Variants in ZZEF1 observed in about 807,000 individuals in gnomAD.
The protein encoded by ZZEF1 is zinc finger ZZ-type and EF-hand domain containing 1.
Under a neutral mutation model 342.8 loss-of-function variants are expected in ZZEF1, and 157 were observed. That is an observed-to-expected ratio of 0.46 (90% confidence interval 0.40 to 0.52). The LOEUF (loss-of-function observed/expected upper bound fraction) is 0.52, where lower values mean the gene tolerates loss of function less well. Among genes scored for constraint, ZZEF1 ranks in the 20% least tolerant of loss-of-function variants. The pLI, the probability that ZZEF1 is intolerant of heterozygous loss-of-function variation, is 0.00. For synonymous variants in ZZEF1, 1,505 were observed against 1,429.1 expected, an observed-to-expected ratio of 1.05 and a Z score of -1.20; for missense variants, 3,480 against 3,725.6, an observed-to-expected ratio of 0.93 and a Z score of 1.72.
intron 34 of ZZEF1, among the ~76,000 whole-genome samples, chr17:4,053,180 T>C (rs2057087207): frequency 3.9e-5 from 6 of 152,202 alleles, no homozygotes; most frequent in Admixed American, 3.3e-4. Flanking sequence ...TAATAATACC[T>C]ACTTCAAAAA....
At chr17:4,081,933 A>G (rs2057731119) in intron 17 of ZZEF1, among the ~76,000 whole-genome samples, 1 of 152,220 alleles carries the variant, frequency 6.6e-6, no homozygotes. Context: ...TACCAGGTAT[A>G]GTCTGACTTG....
intron 1 of ZZEF1, among the ~76,000 whole-genome samples, chr17:4,139,782 C>A (rs1235878318): frequency 6.6e-6 from 1 of 152,218 alleles, no homozygotes; most frequent in Non-Finnish European, 1.5e-5. Flanking sequence ...TATGACCTAG[C>A]TATGTGAATC....
intron 52 of ZZEF1, among the ~76,000 whole-genome samples, chr17:4,012,049 G>A: frequency 6.6e-6 from 1 of 152,264 alleles, no homozygotes; most frequent in Admixed American, 6.5e-5. Context: ...GTGCGGGATT[G>A]TCCCCACTGG....
rs373719834 is a variant in ZZEF1 at position 4,021,367 on chromosome 17, G to C, written c.7213-47C>G. On this transcript the variant is annotated intron_variant, in intron 44 of 54. Coordinates refer to ENST00000381638, the MANE Select transcript of ZZEF1 (RefSeq NM_015113.4). ...CTGAATGTGAGCACTCAGTGGGCGG[G>C]AAGATGGTACAGTCCTTTAATCATG... 166 of 1,505,842 alleles carry C rather than the reference G, an allele frequency of 1.1e-4. 1 individual carries two copies. The African/African-American group carries it at 1.6e-3, about 15-fold the overall frequency. The allele number at this position is 1,505,842 out of a possible 1,614,324, so 93.3% of individuals were successfully genotyped here. A position where few individuals can be genotyped will look rare whatever the true frequency, so the allele number is the denominator to read the frequency against.
Position 4,075,084 on chromosome 17 carries a change from G to T in ZZEF1, c.3483+13C>A. On this transcript the variant is annotated intron_variant, in intron 23 of 54. Transcript: ENST00000381638. Reference sequence around the variant, plus strand: ...TGCAGAAGTAGGTACCTCTTTCTGGGACTATCACTCACCTTGGGCCATTTA... The same window carrying T: ...TGCAGAAGTAGGTACCTCTTTCTGGTACTATCACTCACCTTGGGCCATTTA... The T allele has an allele frequency of 6.2e-7, 1 of 1,613,888 alleles. No homozygotes were observed. Among genetic ancestry groups the T allele is most frequent in the Non-Finnish European group, 8.5e-7 (1 of 1,179,812 alleles).
chr17:4,053,301 GCATGGC>G (rs1259518361), intron 34 of ZZEF1, among the ~76,000 whole-genome samples: 2 of 152,196 alleles, frequency 1.3e-5, no homozygotes, highest in African/African-American at 4.8e-5. Context: ...AAACATTTCA[GCATGGC>G]CATCTAAAGT....
At chr17:4,010,723 T>TAAAAAAAAAA (rs1567756796) in intron 52 of ZZEF1, among the ~76,000 whole-genome samples, 1 of 4,968 alleles carries the variant, frequency 2.0e-4, no homozygotes, top group African/African-American at 8.6e-4. Flanking sequence ...AGATTCCGTC[T>TAAAAAAAAAA]CAAAAAAAAA....
chr17:4,108,659 A>G (rs1393382317), intron 6 of ZZEF1, among the ~76,000 whole-genome samples: 2 of 152,232 alleles, frequency 1.3e-5, no homozygotes, highest in Admixed American at 6.5e-5. Flanking sequence ...GGAAATACAC[A>G]CTAAAGCAGC....
At chr17:4,107,441 C>A (rs2058230688) in intron 6 of ZZEF1, among the ~76,000 whole-genome samples, 1 of 152,026 alleles carries the variant, frequency 6.6e-6, no homozygotes, top group Admixed American at 6.6e-5. Context: ...GGTTTTAGAG[C>A]CTGAGCAGGG....
Position 4,110,801 on chromosome 17 carries a change from G to A in ZZEF1, c.1067-938C>T, listed in dbSNP as rs141833086. 8.8e-4 allele frequency among the ~76,000 whole-genome samples: 124 copies of A among 140,124 alleles called. 1 individual carries two copies. The East Asian group carries it at 0.024, about 27-fold the overall frequency. 91.9% of individuals were successfully genotyped at this position (140,124 alleles called of 152,430 possible). ...ACAATCTCAGCTCACTGCAACCTCC[G>A]CCTCCTGGGTTCAAGTGATTCTCCT... On this transcript the variant is annotated intron_variant, in intron 5 of 54. Transcript: ENST00000381638.
chr17:4,028,549 CA>C (rs35998175), intron 42 of ZZEF1, among the ~76,000 whole-genome samples: 290 of 108,862 alleles, frequency 2.7e-3, no homozygotes, highest in Middle Eastern at 4.7e-3. Context: ...ACTCTGTCTC[CA>C]AAAAAAAAAA....
At chr17:4,062,323 T>C (rs1405736022) in intron 30 of ZZEF1, among the ~76,000 whole-genome samples, 9 of 151,588 alleles carry the variant, frequency 5.9e-5, no homozygotes, top group Non-Finnish European at 1.5e-5. Flanking sequence ...CAATATAATA[T>C]AAAATCTGCC....
At chr17:4,018,382 TGCGATTACAG>T (rs1368607662) in intron 46 of ZZEF1, among the ~76,000 whole-genome samples, 1 of 152,140 alleles carries the variant, frequency 6.6e-6, no homozygotes, top group East Asian at 1.9e-4. Flanking sequence ...CCCTAGTAGC[TGCGATTACAG>T]GCTCATACCA....
At position 4,072,747 on chromosome 17, in the gene ZZEF1, C is replaced by T. The variant is rs1357463526; in HGVS notation, c.3695G>A (p.Ser1232Asn). The T allele has an allele frequency of 1.9e-6, 3 of 1,611,168 alleles. No individual in the cohort carries two copies. The highest frequency in any genetic ancestry group is 2.5e-6 in the Non-Finnish European group (3 of 1,178,494). The change falls in exon 25 of 55, where the codon AGT (serine) becomes AAT (asparagine). Residue 1232 changes from serine to asparagine, a missense_variant. This residue lies in a region of ZZEF1 where 1,528 missense variants were observed against 1,624.1 expected (regional missense o/e 0.94). Transcript: ENST00000381638. ...MALKSVRQLG[S>N]NMVVPQAKMA... is the part of the protein sequence containing the mutation. ...TTTTGCCTGAGGTACTACCATGTTA[C>T]TTCCTAACTCTAGAAAGAGAAGAAG...
At position 4,109,739 on chromosome 17, in the gene ZZEF1, T is replaced by C. The variant is rs148540172; in HGVS notation, c.1191A>G (p.Ile397Met). ...SGVSVSDASA[I>M]WYWSLLTSLV... ...GAGATGTCAGCAGAGACCAATACCATATTGCAGAAGCATCTGAGACTGAGA... is the reference window on the plus strand; with the variant it reads ...GAGATGTCAGCAGAGACCAATACCACATTGCAGAAGCATCTGAGACTGAGA... The change falls in exon 6 of 55, where the codon ATA becomes ATG. Residue 397 changes from isoleucine (I) to methionine (M), a missense_variant. Transcript: ENST00000381638. 1,067 of 1,614,022 alleles carry C rather than the reference T, an allele frequency of 6.6e-4. 3 individuals are homozygous for C. Among genetic ancestry groups the C allele is most frequent in the Non-Finnish European group, 8.4e-4 (993 of 1,180,028 alleles).
intron 42 of ZZEF1, among the ~76,000 whole-genome samples, chr17:4,031,413 T>C (rs1253705056): frequency 6.6e-6 from 1 of 152,116 alleles, no homozygotes; most frequent in Non-Finnish European, 1.5e-5. Flanking sequence ...TGAAACATAA[T>C]AGAATCCATA....
chr17:4,140,995 G>A (rs1162058038), intron 1 of ZZEF1, among the ~76,000 whole-genome samples: 4 of 149,646 alleles, frequency 2.7e-5, no homozygotes, highest in Admixed American at 2.0e-4. Context: ...TGCAACCTCC[G>A]CCTCCTGGGT....
chr17:4,133,141 G>A (rs1170243209), intron 1 of ZZEF1, among the ~76,000 whole-genome samples: 3 of 152,158 alleles, frequency 2.0e-5, no homozygotes, highest in Non-Finnish European at 4.4e-5. Context: ...GGTCTGAGGA[G>A]ATTAGCACAG....
chr17:4,008,346 ACATG>A lies in ZZEF1; in HGVS notation c.8805+533_8805+536del. The A allele has an allele frequency of 5.2e-6, 1 of 193,650 alleles. No homozygotes were observed. 12.0% of individuals were successfully genotyped at this position (193,650 alleles called of 1,614,324 possible). ...TTCACAAGACGTGTTATTCATGTTA[ACATG>A]AAATGGGTTCACTACTTTAAAAAAA... On this transcript the variant is annotated intron_variant, in intron 54 of 54. Transcript: ENST00000381638. This position sits in a 1 kb window ranked among gnomAD's most constrained non-coding sequence, Gnocchi z 4.2.
Sources: gnomAD v4.1 joint callset for allele counts (sites outside exome capture counted in the v4.1 genomes callset) on GRCh38, gnomAD v4.1.1 for gene constraint, gnomAD v4.1.1 regional missense constraint, Gnocchi (gnomAD v3.1) non-coding constraint, MANE v1.5 for transcripts, NCBI Gene and HGNC (gene_info 2026-07-23, HGNC 2026-07-21) for gene names.